Variants in CADPS2 observed in about 807,000 individuals in gnomAD.
CADPS2 encodes calcium dependent secretion activator 2, also known as calcium-dependent secretion activator 2.
A neutral mutation model predicts 172.5 loss-of-function variants in CADPS2; 93 were observed. The observed-to-expected ratio is 0.54, with a 90% CI of 0.46 to 0.64. The LOEUF is 0.64. Among genes scored for constraint, CADPS2 ranks in the 30% least tolerant of loss-of-function variants. The pLI, the probability that CADPS2 is intolerant of heterozygous loss-of-function variation, is 0.00. For missense variants in CADPS2, 1,420 were observed against 1,565.9 expected (o/e 0.91, Z 1.57); for synonymous variants, 546 against 555.2 (o/e 0.98, Z 0.23).
intron 9 of CADPS2, among the ~76,000 whole-genome samples, chr7:122,499,263 T>C (rs2059003852): frequency 6.6e-6 from 1 of 152,194 alleles, no homozygotes; most frequent in African/African-American, 2.4e-5. Context: ...CTGTTCCAAA[T>C]ACCCACTTTA....
At chr7:122,367,551 T>TTTG in intron 25 of CADPS2, among the ~76,000 whole-genome samples, 1 of 144,762 alleles carries the variant, frequency 6.9e-6, no homozygotes, top group Non-Finnish European at 1.5e-5. Context: ...TTTTTTTTTT[T>TTTG]TTTTTTTTTT....
At chr7:122,326,760 C>A (rs2033959970) in intron 28 of CADPS2, among the ~76,000 whole-genome samples, 1 of 151,940 alleles carries the variant, frequency 6.6e-6, no homozygotes, top group Admixed American at 6.6e-5. Flanking sequence ...GTCTGAAATT[C>A]ATCTGGATTT....
At chr7:122,533,998 T>C (rs1214502361) in intron 8 of CADPS2, among the ~76,000 whole-genome samples, 2 of 152,088 alleles carry the variant, frequency 1.3e-5, no homozygotes, top group Non-Finnish European at 2.9e-5. Flanking sequence ...TTGCAAAGCA[T>C]TCATATTGGA....
chr7:122,671,121 T>G (rs1588292545), intron 2 of CADPS2, among the ~76,000 whole-genome samples: 1 of 152,162 alleles, frequency 6.6e-6, no homozygotes, highest in Non-Finnish European at 1.5e-5. Flanking sequence ...TTCTTTTTTC[T>G]TTAAAATACT....
intron 6 of CADPS2, among the ~76,000 whole-genome samples, chr7:122,605,161 T>A (rs548048276): frequency 2.8e-4 from 42 of 152,228 alleles, no homozygotes; most frequent in African/African-American, 9.4e-4. Context: ...ATAGGGCACT[T>A]ACCATGAAAG....
chr7:122,509,757 C>A (rs529789031), intron 9 of CADPS2, among the ~76,000 whole-genome samples: 2 of 152,128 alleles, frequency 1.3e-5, no homozygotes, highest in Non-Finnish European at 2.9e-5. Context: ...AGTTCCATAA[C>A]CCCTCTGTAT....
chr7:122,485,098 C>G (rs1471258309), intron 11 of CADPS2, among the ~76,000 whole-genome samples: 3 of 152,160 alleles, frequency 2.0e-5, no homozygotes, highest in Non-Finnish European at 4.4e-5. Context: ...TGTTCCCCAT[C>G]TCTCTCCCTT....
chr7:122,376,913 CAT>C (rs2085594951), intron 25 of CADPS2, among the ~76,000 whole-genome samples: 1 of 152,040 alleles, frequency 6.6e-6, no homozygotes, highest in South Asian at 2.1e-4. Flanking sequence ...TTAAAAATAT[CAT>C]AATTATGGAG....
chr7:122,540,624 G>C (rs1048934814), intron 8 of CADPS2, among the ~76,000 whole-genome samples: 1 of 151,994 alleles, frequency 6.6e-6, no homozygotes, highest in African/African-American at 2.4e-5. Context: ...AATTAAAACG[G>C]CAAGGCATAT....
intron 11 of CADPS2, among the ~76,000 whole-genome samples, chr7:122,485,732 T>A (rs2057741283): frequency 6.6e-6 from 1 of 152,238 alleles, no homozygotes; most frequent in African/African-American, 2.4e-5. Context: ...GACAAAATAA[T>A]CTTCTATTGG....
intron 2 of CADPS2, among the ~76,000 whole-genome samples, chr7:122,690,922 C>T (rs1186004722): frequency 6.6e-6 from 1 of 152,092 alleles, no homozygotes; most frequent in East Asian, 1.9e-4. Context: ...GACCTGTGTA[C>T]CATGCCCCAT....
At chr7:122,445,130 T>C (rs2051980929) in intron 15 of CADPS2, among the ~76,000 whole-genome samples, 1 of 152,222 alleles carries the variant, frequency 6.6e-6, no homozygotes. Context: ...TTATAAATTT[T>C]GAAATCAGTG....
chr7:122,845,810 C>T (rs970933185), intron 1 of CADPS2, among the ~76,000 whole-genome samples: 4 of 152,104 alleles, frequency 2.6e-5, no homozygotes, highest in African/African-American at 9.7e-5. Context: ...GATAAATTGT[C>T]CATGTTATTA....
chr7:122,834,874 A>C (rs150567944), intron 1 of CADPS2, among the ~76,000 whole-genome samples: 2,313 of 152,298 alleles, frequency 0.015, 59 homozygotes, highest in African/African-American at 0.053. Context: ...GCATAGCTGA[A>C]CAAAGGCAGC....
At chr7:122,726,555 G>T (rs1321240213) in intron 2 of CADPS2, among the ~76,000 whole-genome samples, 1 of 151,902 alleles carries the variant, frequency 6.6e-6, no homozygotes, top group African/African-American at 2.4e-5. Context: ...CTCTAAAATA[G>T]AAGCTTAATG....
At chr7:122,777,179 T>A (rs2093910125) in intron 1 of CADPS2, among the ~76,000 whole-genome samples, 1 of 151,984 alleles carries the variant, frequency 6.6e-6, no homozygotes, top group Non-Finnish European at 1.5e-5. Context: ...AGTAAAAGAA[T>A]AACAAGAAAA....
chr7:122,713,171 A>G (rs1400669773), intron 2 of CADPS2, among the ~76,000 whole-genome samples: 2 of 152,120 alleles, frequency 1.3e-5, no homozygotes, highest in African/African-American at 4.8e-5. Context: ...GGAGCTTTAA[A>G]TTTTTATATT....
intron 1 of CADPS2, among the ~76,000 whole-genome samples, chr7:122,798,805 T>C (rs1796950660): frequency 6.6e-6 from 1 of 151,940 alleles, no homozygotes; most frequent in Non-Finnish European, 1.5e-5. Flanking sequence ...TTTCCTGAGC[T>C]CACAGAAAAT....
intron 3 of CADPS2, among the ~76,000 whole-genome samples, chr7:122,657,878 G>A (rs1304988753): frequency 6.6e-6 from 1 of 152,134 alleles, no homozygotes; most frequent in Non-Finnish European, 1.5e-5. Context: ...GGGCATCCCT[G>A]TCTTGTGCCA....
Sources: gnomAD v4.1 joint callset for allele counts (sites outside exome capture counted in the v4.1 genomes callset) on GRCh38, gnomAD v4.1.1 for gene constraint, MANE v1.5 for transcripts, NCBI Gene and HGNC (gene_info 2026-07-23, HGNC 2026-07-21) for gene names.